ADGRL2: variants seen among roughly 807,000 people sequenced by gnomAD.
ADGRL2 encodes calcium-independent alpha-latrotoxin receptor 2.
ADGRL2 carries 44 observed loss-of-function variants against 157.4 expected under a neutral mutation model. The observed-to-expected ratio is 0.28, with a 90% CI of 0.22 to 0.36. The LOEUF is 0.36. Among genes scored for constraint, ADGRL2 ranks in the 10% least tolerant of loss-of-function variants. ADGRL2 has a pLI of 1.00. For missense variants in ADGRL2, 1,510 were observed against 1,768.9 expected, an observed-to-expected ratio of 0.85 and a Z score of 2.63; for synonymous variants, 585 against 624.7, an observed-to-expected ratio of 0.94 and a Z score of 0.95.
chr1:81,502,901 G>A (rs1002384431), intron 2 of ADGRL2: 74 of 1,613,270 alleles, frequency 4.6e-5, no homozygotes, highest in Non-Finnish European at 5.8e-5. Context: ...TCCAGCAGTG[G>A]CACCAATACC....
At chr1:81,794,501 T>C (rs1200304220) in intron 2 of ADGRL2, among the ~76,000 whole-genome samples, 1 of 152,136 alleles carries the variant, frequency 6.6e-6, no homozygotes, top group Non-Finnish European at 1.5e-5. Context: ...ACTGGACAGG[T>C]TATTTATGTG....
intron 1 of ADGRL2, among the ~76,000 whole-genome samples, chr1:81,801,588 C>T (rs540407401): frequency 6.6e-6 from 1 of 152,330 alleles, no homozygotes; most frequent in Admixed American, 6.5e-5. Flanking sequence ...TCCCCGAGCC[C>T]GAGTCTGCGC....
intron 2 of ADGRL2, among the ~76,000 whole-genome samples, chr1:81,479,078 T>TA (rs1370665374): frequency 6.6e-6 from 1 of 152,152 alleles, no homozygotes; most frequent in Non-Finnish European, 1.5e-5. Flanking sequence ...TGTGTAAAAA[T>TA]AATGTCTGTT....
intron 22 of ADGRL2, 135 bp downstream of exon 22, chr1:81,987,164 G>T: frequency 2.3e-6 from 3 of 1,318,396 alleles, no homozygotes; most frequent in Non-Finnish European, 3.1e-6. Context: ...AAAAAATTAC[G>T]GTATTGTCTA....
intron 3 of ADGRL2, among the ~76,000 whole-genome samples, chr1:81,637,730 T>C (rs930251570): frequency 6.6e-6 from 1 of 152,204 alleles, no homozygotes; most frequent in African/African-American, 2.4e-5. Context: ...GCACTGTATA[T>C]AATCAGTCCA....
chr1:81,561,116 A>G (rs1475901842), intron 2 of ADGRL2, among the ~76,000 whole-genome samples: 1 of 151,870 alleles, frequency 6.6e-6, no homozygotes. Context: ...CCCTTCCTCC[A>G]CAGCACACAC....
chr1:81,843,300 T>G (rs2092669077), intron 2 of ADGRL2, among the ~76,000 whole-genome samples: 1 of 151,922 alleles, frequency 6.6e-6, no homozygotes, highest in South Asian at 2.1e-4. Flanking sequence ...GCCTGGCTAA[T>G]TTTTGTATTT....
At chr1:81,495,081 G>A (rs1391158040) in intron 2 of ADGRL2, among the ~76,000 whole-genome samples, 2 of 152,136 alleles carry the variant, frequency 1.3e-5, no homozygotes, top group African/African-American at 4.8e-5. Context: ...GCAGATGGTT[G>A]AAGAAGGAAC....
intron 2 of ADGRL2, among the ~76,000 whole-genome samples, chr1:81,526,453 G>T (rs907591920): frequency 3.3e-5 from 5 of 152,044 alleles, no homozygotes; most frequent in African/African-American, 9.7e-5. Flanking sequence ...TACTTAAAAA[G>T]ATATGTATAT....
chr1:81,661,140 A>G (rs2082641705), intron 3 of ADGRL2, among the ~76,000 whole-genome samples: 1 of 152,158 alleles, frequency 6.6e-6, no homozygotes, highest in Non-Finnish European at 1.5e-5. Context: ...AGGAAAGAAA[A>G]TGTTCAAATT....
chr1:81,518,551 C>T (rs2079236172), intron 2 of ADGRL2, among the ~76,000 whole-genome samples: 1 of 152,144 alleles, frequency 6.6e-6, no homozygotes, highest in South Asian at 2.1e-4. Flanking sequence ...AAGAGATGTT[C>T]ATCCTCAACA....
At position 81,530,294 on chromosome 1, in the gene ADGRL2, C is replaced by A. The variant is rs576877557; in HGVS notation, c.-247-50582C>A. Among the ~76,000 whole-genome samples, 53 of 152,214 alleles carry A rather than the reference C, an allele frequency of 3.5e-4. No individual in the cohort carries two copies. In the South Asian group the frequency reaches 7.2e-3, roughly 21 times the overall value. On this transcript the variant is annotated intron_variant, in intron 2 of 24. Transcript: ENST00000370721. ...ATATTTCAGATCAACTCAAGCTGCC[C>A]CTTCCTCAAGGTGGCACAAATTCAA...
At chr1:81,659,957 A>T (rs1570760139) in intron 3 of ADGRL2, among the ~76,000 whole-genome samples, 1 of 152,226 alleles carries the variant, frequency 6.6e-6, no homozygotes. Context: ...CATTATTTCA[A>T]TACACAAATA....
chr1:81,583,643 T>TATA (rs10693940), intron 3 of ADGRL2, among the ~76,000 whole-genome samples: 115,913 of 151,692 alleles, frequency 0.76, 44,559 homozygotes, highest in East Asian at 0.83. Flanking sequence ...CTCAGATTTT[T>TATA]ATGATTTGAT....
At chr1:81,612,498 CTT>C (rs1296610772) in intron 3 of ADGRL2, among the ~76,000 whole-genome samples, 33 of 152,262 alleles carry the variant, frequency 2.2e-4, no homozygotes, top group Middle Eastern at 6.8e-3. Flanking sequence ...TGAGAATAAA[CTT>C]TAAAGAGAAT....
intron 2 of ADGRL2, among the ~76,000 whole-genome samples, chr1:81,484,557 T>G (rs1417030743): frequency 6.6e-6 from 1 of 152,220 alleles, no homozygotes; most frequent in East Asian, 1.9e-4. Flanking sequence ...AGGGCCACTT[T>G]TAGTTTCCTT....
At chr1:81,412,952 T>C (rs1338756734) in intron 1 of ADGRL2, among the ~76,000 whole-genome samples, 1 of 152,232 alleles carries the variant, frequency 6.6e-6, no homozygotes, top group Non-Finnish European at 1.5e-5. Flanking sequence ...TATTGTTTTA[T>C]TTTAATGGCC....
At chr1:81,724,627 G>A (rs72715739) in intron 1 of ADGRL2, among the ~76,000 whole-genome samples, 2,938 of 152,162 alleles carry the variant, frequency 0.019, 42 homozygotes, top group South Asian at 0.052. Context: ...TATAGACATC[G>A]TACCTGACAT....
intron 1 of ADGRL2, chr1:81,427,737 A>G: frequency 5.3e-6 from 2 of 380,290 alleles, no homozygotes; most frequent in Non-Finnish European, 4.9e-6. Flanking sequence ...GCCAGAGGGA[A>G]CAATGATCCA....
Sources: gnomAD v4.1 joint callset for allele counts (sites outside exome capture counted in the v4.1 genomes callset) on GRCh38, gnomAD v4.1.1 for gene constraint, MANE v1.5 for transcripts, NCBI Gene and HGNC (gene_info 2026-07-23, HGNC 2026-07-21) for gene names.